MACROD2: variants seen among roughly 807,000 people sequenced by gnomAD.
MACROD2 encodes the protein ADP-ribose glycohydrolase MACROD2.
MACROD2 carries 36 observed loss-of-function variants against 70.4 expected under a neutral mutation model. The ratio of observed to expected loss-of-function variants is 0.51; its 90% CI spans 0.39 to 0.68. The LOEUF (loss-of-function observed/expected upper bound fraction) is 0.68, where lower values mean the gene tolerates loss of function less well. Among genes scored for constraint, MACROD2 ranks in the 30% least tolerant of loss-of-function variants. MACROD2 has a pLI of 0.00. For missense variants in MACROD2, 496 were observed against 538.4 expected (o/e 0.92, Z 0.78); for synonymous variants, 172 against 178.8 (o/e 0.96, Z 0.30).
At chr20:14,488,267 G>A (rs945477513) in intron 3 of MACROD2, among the ~76,000 whole-genome samples, 1 of 152,246 alleles carries the variant, frequency 6.6e-6, no homozygotes, top group East Asian at 1.9e-4. Context: ...ATTCAGATAT[G>A]CTTGTTCACT....
chr20:14,127,243 T>A (rs2054663070), intron 3 of MACROD2, among the ~76,000 whole-genome samples: 1 of 152,232 alleles, frequency 6.6e-6, no homozygotes, highest in African/African-American at 2.4e-5. Context: ...CAATATTCCC[T>A]TATGCCATAG....
chr20:14,423,946 G>C (rs924503134), intron 3 of MACROD2, among the ~76,000 whole-genome samples: 1 of 151,322 alleles, frequency 6.6e-6, no homozygotes, highest in Admixed American at 6.6e-5. Context: ...ATTTTTAGTA[G>C]AGACGGGGTT....
chr20:16,000,117 A>G (rs1336657180), intron 15 of MACROD2, among the ~76,000 whole-genome samples: 1 of 152,216 alleles, frequency 6.6e-6, no homozygotes, highest in African/African-American at 2.4e-5. Flanking sequence ...AGAACATGCA[A>G]AAAATCTAGA....
chr20:15,040,854 A>T (rs1433221222), intron 5 of MACROD2, among the ~76,000 whole-genome samples: 1 of 152,178 alleles, frequency 6.6e-6, no homozygotes, highest in Non-Finnish European at 1.5e-5. Context: ...TAACATTCTC[A>T]TTCAATTATG....
At chr20:14,008,075 C>T (rs534327525) in intron 2 of MACROD2, among the ~76,000 whole-genome samples, 18 of 152,268 alleles carry the variant, frequency 1.2e-4, no homozygotes, top group African/African-American at 4.3e-4. Context: ...ACAAAGATGG[C>T]CTCTCTCACC....
chr20:14,929,600 G>A (rs6034064), intron 5 of MACROD2: 21,890 of 152,018 alleles, frequency 0.14, 1,731 homozygotes, highest in South Asian at 0.19. Context: ...CTGGTGACTG[G>A]ACTCATCTCC....
chr20:14,262,788 T>C (rs771220868), intron 3 of MACROD2, among the ~76,000 whole-genome samples: 65 of 152,324 alleles, frequency 4.3e-4, no homozygotes, highest in Non-Finnish European at 7.4e-4. Flanking sequence ...AAACAATCTA[T>C]TGGATTTTGC....
intron 5 of MACROD2, among the ~76,000 whole-genome samples, chr20:15,195,599 G>A (rs1320299454): frequency 6.6e-6 from 1 of 152,176 alleles, no homozygotes; most frequent in Non-Finnish European, 1.5e-5. Flanking sequence ...TGGTAAGGTT[G>A]CAGAGAAAAA....
intron 6 of MACROD2, among the ~76,000 whole-genome samples, chr20:15,362,503 G>C (rs2078364609): frequency 6.6e-6 from 1 of 151,946 alleles, no homozygotes; most frequent in African/African-American, 2.4e-5. Context: ...AAAATATTAT[G>C]AATAGATGTC....
chr20:16,044,661 G>C (rs1309606275), intron 17 of MACROD2, 22 bp downstream of exon 17: 2 of 1,591,912 alleles, frequency 1.3e-6, no homozygotes, highest in African/African-American at 2.7e-5. Context: ...CTTGTGGTGA[G>C]ATTTTCAATG....
intron 3 of MACROD2, among the ~76,000 whole-genome samples, chr20:14,170,548 T>A (rs1203190824): frequency 6.6e-6 from 1 of 152,154 alleles, no homozygotes; most frequent in Non-Finnish European, 1.5e-5. Flanking sequence ...AGGGTTTTCA[T>A]CATAAAGGGA....
Position 14,011,572 on chromosome 20 carries a change from AGGCTGGAGTGCAGT to A in MACROD2, c.163+9172_163+9185del, listed in dbSNP as rs1218225377. On this transcript the variant is annotated intron_variant, in intron 2 of 17. Transcript: ENST00000684519. ...AGACGGAGTCTTGCTTCTGTCACCC[AGGCTGGAGTGCAGT>A]GGCCCGATCTCGGCTCACTGCAAGC... Among the ~76,000 whole-genome samples, 9 of 150,526 alleles carry A rather than the reference AGGCTGGAGTGCAGT, an allele frequency of 6.0e-5. No individual in the cohort carries two copies. The Admixed American group carries it at 6.0e-4, about 10-fold the overall frequency.
intron 16 of MACROD2, 76 bp downstream of exon 16, chr20:16,041,354 G>A (rs948354553): frequency 8.3e-7 from 1 of 1,201,648 alleles, no homozygotes; most frequent in Non-Finnish European, 1.2e-6. Context: ...AGGATTAAGG[G>A]AACTATCTGT....
At chr20:15,500,543 G>A (rs2047351962) in intron 8 of MACROD2, among the ~76,000 whole-genome samples, 1 of 152,138 alleles carries the variant, frequency 6.6e-6, no homozygotes, top group South Asian at 2.1e-4. Flanking sequence ...GAGGTTTCAG[G>A]CAATGCACAG....
chr20:15,679,646 C>T (rs1405248324), intron 8 of MACROD2, among the ~76,000 whole-genome samples: 1 of 152,136 alleles, frequency 6.6e-6, no homozygotes, highest in Non-Finnish European at 1.5e-5. Flanking sequence ...GCCTATCTAC[C>T]CTGCTGCAAC....
At chr20:15,402,457 T>C (rs2045943084) in intron 6 of MACROD2, among the ~76,000 whole-genome samples, 1 of 152,254 alleles carries the variant, frequency 6.6e-6, no homozygotes, top group Admixed American at 6.5e-5. Context: ...TCTCTACTAA[T>C]GCTCTGGGAA....
intron 8 of MACROD2, among the ~76,000 whole-genome samples, chr20:15,678,777 G>C (rs541119224): frequency 2.1e-5 from 3 of 141,742 alleles, no homozygotes; most frequent in East Asian, 4.4e-4. Flanking sequence ...TGGGAGTGTA[G>C]TGGGCACAGT....
intron 8 of MACROD2, among the ~76,000 whole-genome samples, chr20:15,544,811 T>C (rs1230935351): frequency 6.6e-6 from 1 of 152,230 alleles, no homozygotes; most frequent in Non-Finnish European, 1.5e-5. Context: ...GGCTGATTTT[T>C]AGAGAAAATA....
At chr20:14,241,680 T>A (rs931871131) in intron 3 of MACROD2, among the ~76,000 whole-genome samples, 1 of 152,138 alleles carries the variant, frequency 6.6e-6, no homozygotes. Flanking sequence ...CCTGAACAAC[T>A]GATGCTTGAA....
Sources: gnomAD v4.1 joint callset for allele counts (sites outside exome capture counted in the v4.1 genomes callset) on GRCh38, gnomAD v4.1.1 for gene constraint, MANE v1.5 for transcripts, NCBI Gene and HGNC (gene_info 2026-07-23, HGNC 2026-07-21) for gene names.